The following ETHE1 variants were observed in gnomAD, a reference collection of about 807,000 sequenced individuals.
ETHE1 encodes the protein persulfide dioxygenase ETHE1, mitochondrial.
Under a neutral mutation model 25.7 loss-of-function variants are expected in ETHE1, and 16 were observed. That is an observed-to-expected ratio of 0.62 (90% CI 0.42 to 0.95). The LOEUF (loss-of-function observed/expected upper bound fraction) is 0.95. ETHE1 is among the 40% of genes least tolerant of loss of function. The probability of loss-of-function intolerance (pLI) is 0.00; values close to 1 mark genes in which losing one functional copy is unlikely to be tolerated. For missense variants in ETHE1, 300 were observed against 333.6 expected, an observed-to-expected ratio of 0.90 and a Z score of 0.79; for synonymous variants, 139 against 135.9, an observed-to-expected ratio of 1.02 and a Z score of -0.16.
chr19:43,526,703 A>G, intron 1 of ETHE1, 44 bp from the exon 2 acceptor site: 1 of 1,611,866 alleles, frequency 6.2e-7, no homozygotes, highest in Non-Finnish European at 8.5e-7. Flanking sequence ...CCGGACTTCC[A>G]CCCACTGGAG....
At chr19:43,525,309 C>T (rs1167471881) in intron 3 of ETHE1, among the ~76,000 whole-genome samples, 1 of 152,042 alleles carries the variant, frequency 6.6e-6, no homozygotes, top group Non-Finnish European at 1.5e-5. Context: ...CTTCTGTAAC[C>T]ATTGTAGCTG....
intron 6 of ETHE1, chr19:43,507,595 C>T: frequency 2.1e-6 from 1 of 480,600 alleles, no homozygotes. Context: ...TCCAGGCCCC[C>T]AGCTCCTCCT....
intron 4 of ETHE1, among the ~76,000 whole-genome samples, chr19:43,509,526 T>G (rs1599986184): frequency 6.9e-6 from 1 of 144,608 alleles, no homozygotes; most frequent in Non-Finnish European, 1.5e-5. Flanking sequence ...CTGGGCGCGG[T>G]GGCTCACGCC....
intron 1 of ETHE1, 89 bp from the exon 2 acceptor site, chr19:43,526,748 A>G: frequency 6.3e-7 from 1 of 1,594,394 alleles, no homozygotes; most frequent in Non-Finnish European, 8.5e-7. Context: ...TCCTCTTCCT[A>G]AGATCCAGAA....
Position 43,511,545 on chromosome 19 carries a change from G to GGT in ETHE1, c.396_397insAC (p.Pro133ThrfsTer13). 4 of 1,613,902 alleles carry GGT rather than the reference G, an allele frequency of 2.5e-6. No homozygotes were observed. Among genetic ancestry groups the GGT allele is most frequent in the Non-Finnish European group, 3.4e-6 (4 of 1,180,024 alleles). The stretch of plus-strand genomic sequence containing the variant: ...GTGACACAGCCTGGGGTGTGGCCAG[G>GGT]GCTGGCCCTGGTCTCCAACGCCTGG... On this transcript the variant is annotated frameshift_variant, in exon 4 of 7. Transcript: ENST00000292147. LOFTEE classifies it high-confidence loss of function.
intron 5 of ETHE1, 51 bp downstream of exon 5, chr19:43,508,723 AC>A: frequency 1.5e-6 from 2 of 1,369,864 alleles, no homozygotes; most frequent in Non-Finnish European, 2.0e-6. Context: ...AGAGATTTAC[AC>A]TCCACTTTCA....
intron 6 of ETHE1, 44 bp downstream of exon 6, chr19:43,507,900 C>A: frequency 6.3e-7 from 1 of 1,598,690 alleles, no homozygotes; most frequent in African/African-American, 1.3e-5. Context: ...AGACCCCAGC[C>A]CCTCCTCTCT....
rs1450470972 is a variant in ETHE1 at position 43,506,865 on chromosome 19, C to T, written c.750G>A (p.Gln250=). 6.2e-7 allele frequency: 1 copy of T among 1,613,766 alleles called. No homozygotes were observed. Among genetic ancestry groups the T allele is most frequent in the Non-Finnish European group, 8.5e-7 (1 of 1,179,950 alleles). ...AGAAGTGAGATCAGGCAGTGGGTGTCTGCACCCCACAGCGCATGTTGGCTG... is the reference window on the plus strand; with the variant it reads ...AGAAGTGAGATCAGGCAGTGGGTGTTTGCACCCCACAGCGCATGTTGGCTG... ...AVPANMRCGV[Q]TPTA Residue 250 remains glutamine, a synonymous_variant, in exon 7 of 7, where the codon CAG becomes CAA. Transcript: ENST00000292147.
chr19:43,513,868 T>C (rs1971968640), intron 3 of ETHE1, among the ~76,000 whole-genome samples: 1 of 152,024 alleles, frequency 6.6e-6, no homozygotes, highest in South Asian at 2.1e-4. Flanking sequence ...ACTACAGGCA[T>C]GTGCCACCAT....
chr19:43,520,990 GC>G lies in ETHE1; in HGVS notation c.375+5210del, dbSNP rs1164540494. ...ACAGCAAACCTAACTTTCTGATTCGGCCACCCTGTGGCAGCTAAGATGTTCA... is the reference window on the plus strand; with the variant it reads ...ACAGCAAACCTAACTTTCTGATTCGGCACCCTGTGGCAGCTAAGATGTTCA... On this transcript the variant is annotated intron_variant, in intron 3 of 6. Transcript: ENST00000292147. Among the ~76,000 whole-genome samples the G allele has an allele frequency of 2.0e-5, 3 of 152,064 alleles. No individual in the cohort carries two copies. The East Asian group carries it at 5.8e-4, about 30-fold the overall frequency.
intron 3 of ETHE1, among the ~76,000 whole-genome samples, chr19:43,520,054 A>G (rs1234108677): frequency 3.3e-5 from 5 of 151,680 alleles, no homozygotes; most frequent in African/African-American, 4.8e-5. Flanking sequence ...CCAAAAAAAA[A>G]AAAAAAAGAA....
intron 3 of ETHE1, among the ~76,000 whole-genome samples, chr19:43,517,288 A>C (rs1972039679): frequency 6.7e-6 from 1 of 149,258 alleles, no homozygotes; most frequent in Non-Finnish European, 1.5e-5. Flanking sequence ...AGGCTAATGT[A>C]AATGTTCTGA....
chr19:43,509,960 A>C (rs1311010159), intron 4 of ETHE1, among the ~76,000 whole-genome samples: 1 of 152,144 alleles, frequency 6.6e-6, no homozygotes, highest in South Asian at 2.1e-4. Context: ...TCCTGACTGT[A>C]CTGTGAATGG....
At chr19:43,527,035 G>A (rs1484875573) in intron 1 of ETHE1, 62 bp downstream of exon 1, 3 of 1,541,044 alleles carry the variant, frequency 1.9e-6, no homozygotes, top group African/African-American at 1.4e-5. Flanking sequence ...AGAGACCCCG[G>A]AGTTCCGTCC....
intron 3 of ETHE1, among the ~76,000 whole-genome samples, chr19:43,519,516 T>C (rs1972097954): frequency 6.6e-6 from 1 of 152,178 alleles, no homozygotes; most frequent in Non-Finnish European, 1.5e-5. Context: ...CCTTCCATGA[T>C]GCATCATGTC....
At chr19:43,510,998 T>C (rs1021644503) in intron 4 of ETHE1, among the ~76,000 whole-genome samples, 5 of 152,030 alleles carry the variant, frequency 3.3e-5, no homozygotes, top group Non-Finnish European at 5.9e-5. Context: ...GAACTGCACA[T>C]GCGAGGGATC....
intron 5 of ETHE1, 139 bp downstream of exon 5, chr19:43,508,636 C>T: frequency 1.3e-6 from 1 of 774,412 alleles, no homozygotes; most frequent in Non-Finnish European, 2.2e-6. Flanking sequence ...AGCCCCCTTG[C>T]CCAGCCTCAA....
chr19:43,510,666 T>C (rs1465829305), intron 4 of ETHE1, among the ~76,000 whole-genome samples: 1 of 151,060 alleles, frequency 6.6e-6, no homozygotes, highest in Non-Finnish European at 1.5e-5. Context: ...CTATATTTGT[T>C]TCTTAGAGAG....
chr19:43,523,287 T>C (rs1359482686), intron 3 of ETHE1, among the ~76,000 whole-genome samples: 1 of 152,156 alleles, frequency 6.6e-6, no homozygotes, highest in Non-Finnish European at 1.5e-5. Context: ...TGTTTGTTTG[T>C]TGAGATGGAA....
Sources: allele counts gnomAD v4.1 joint callset (sites outside exome capture counted in the v4.1 genomes callset), GRCh38; gene constraint gnomAD v4.1.1; transcripts MANE v1.5; gene names NCBI Gene and HGNC (gene_info 2026-07-23, HGNC 2026-07-21).